The following ADGRB2 variants were observed in gnomAD, a reference collection of about 807,000 sequenced individuals.
ADGRB2 encodes adhesion G protein-coupled receptor B2.
ADGRB2 carries 47 observed loss-of-function variants against 178.7 expected under a neutral mutation model. The ratio of observed to expected loss-of-function variants is 0.26; its 90% CI spans 0.21 to 0.34. ADGRB2 has a LOEUF of 0.34. Ranked by LOEUF, ADGRB2 falls within the 10% of genes least tolerant of loss-of-function variation. The pLI, the probability that ADGRB2 is intolerant of heterozygous loss-of-function variation, is 1.00. For synonymous variants in ADGRB2, 870 were observed against 912.4 expected, an observed-to-expected ratio of 0.95 and a Z score of 0.84; for missense variants, 1,584 against 2,180.8, an observed-to-expected ratio of 0.73 and a Z score of 5.45.
At chr1:31,736,437 G>T in intron 21 of ADGRB2, 47 bp from the exon 22 acceptor site, 1 of 1,608,918 alleles carries the variant, frequency 6.2e-7, no homozygotes, top group Non-Finnish European at 8.5e-7. Context: ...GGTCTTCAGG[G>T]ACCCCTTGTT....
At position 31,739,430 on chromosome 1, in the gene ADGRB2, C is replaced by G. The variant is rs143030726; in HGVS notation, c.2373G>C (p.Thr791=). 3.2e-6 allele frequency: 5 copies of G among 1,581,356 alleles called. No homozygotes were observed. Among genetic ancestry groups the G allele is most frequent in the African/African-American group, 2.7e-5 (2 of 74,110 alleles). Residue 791 remains threonine (T), a synonymous_variant, in exon 15 of 33, where the codon ACG becomes ACC. Coordinates refer to ENST00000373658, the MANE Select transcript of ADGRB2 (RefSeq NM_001364857.2). ...GSPGRGRGPG[T]VPPGPGHSHQ... is the part of the protein sequence containing the mutation. ...GGGAGTGGCCTGGGCCAGGAGGCAC[C>G]GTTCCTGGGCCCCTCCCCCTGCCAG...
rs541714265 is a variant in ADGRB2, at chr1:31,728,468, C to T, written c.4416+130G>A. ...GGGAGGGAATCATGGGAAGATCCCA[C>T]GGAACCCCCGGGCTTGGGCTCCTGG... On this transcript the variant is annotated intron_variant, in intron 30 of 32. Transcript: ENST00000373658. This position sits in a 1 kb window ranked among gnomAD's most constrained non-coding sequence, Gnocchi z 6.7. The T allele has an allele frequency of 1.1e-5, 16 of 1,449,036 alleles. No individual in the cohort carries two copies. Among genetic ancestry groups the T allele is most frequent in the South Asian group, 3.5e-5 (3 of 86,768 alleles). 89.8% of individuals were successfully genotyped at this position (1,449,036 alleles called of 1,614,324 possible).
Position 31,759,222 on chromosome 1 carries a change from C to A in ADGRB2, c.-190-1711G>T, listed in dbSNP as rs1057300454. The A allele has an allele frequency of 1.1e-5, 8 of 759,968 alleles. No individual in the cohort carries two copies. Among genetic ancestry groups the A allele is most frequent in the Admixed American group, 1.0e-4 (6 of 58,236 alleles). 47.1% of individuals were successfully genotyped at this position (759,968 alleles called of 1,614,324 possible). A position where few individuals can be genotyped will look rare whatever the true frequency, so the allele number is the denominator to read the frequency against. ...GGTGAAACCCACAGATTCATGCTGT[C>A]ACACACACTCAGGAGTTAACACGCA... On this transcript the variant is annotated intron_variant, in intron 1 of 32. Transcript: ENST00000373658. This position sits in a 1 kb window ranked among gnomAD's most constrained non-coding sequence, Gnocchi z 4.3.
At position 31,755,876 on chromosome 1, in the gene ADGRB2, G is replaced by T. The variant is rs1646804478; in HGVS notation, c.838+123C>A. On this transcript the variant is annotated intron_variant, in intron 4 of 32. Coordinates refer to ENST00000373658, the MANE Select transcript of ADGRB2 (RefSeq NM_001364857.2). The surrounding 1 kb of genome is among the most constrained non-coding windows in gnomAD (Gnocchi z 5.1). ...TTGGTGACCGCAACATTTGGACAAG[G>T]CTCAGCAGAGGGGTGACATCAGTGA... The T allele has an allele frequency of 2.2e-6, 3 of 1,351,898 alleles. No homozygotes were observed. The highest frequency in any genetic ancestry group is 3.0e-6 in the Non-Finnish European group (3 of 993,162). The allele number at this position is 1,351,898 out of a possible 1,614,324, so 83.7% of individuals were successfully genotyped here.
Position 31,735,456 on chromosome 1 carries a change from C to T in ADGRB2, c.3353+124G>A. 7.4e-7 allele frequency: 1 copy of T among 1,357,230 alleles called. No homozygotes were observed. Among genetic ancestry groups the T allele is most frequent in the Non-Finnish European group, 1.0e-6 (1 of 970,694 alleles). 84.1% of individuals were successfully genotyped at this position (1,357,230 alleles called of 1,614,324 possible). On this transcript the variant is annotated intron_variant, in intron 24 of 32. Transcript: ENST00000373658. The surrounding 1 kb of genome is among the most constrained non-coding windows in gnomAD (Gnocchi z 6.0). ...TCCGGGTGCCCACCTTGCCTGCAAC[C>T]TTGATGCACCAAGGTTGGGGAGCCC... is the stretch of plus-strand genomic sequence containing the variant.
intron 4 of ADGRB2, among the ~76,000 whole-genome samples, chr1:31,747,902 G>C (rs886629732): frequency 3.9e-5 from 6 of 152,212 alleles, no homozygotes; most frequent in African/African-American, 1.4e-4. Flanking sequence ...ACTAAGACAG[G>C]CTCAAAGACA....
In ADGRB2 at chr1:31,757,481, G is replaced by A; in HGVS notation, c.-160C>T. The A allele has an allele frequency of 1.8e-6, 1 of 542,890 alleles. No homozygotes were observed. The allele number at this position is 542,890 out of a possible 1,614,324, so 33.6% of individuals were successfully genotyped here. A position where few individuals can be genotyped will look rare whatever the true frequency, so the allele number is the denominator to read the frequency against. The stretch of plus-strand genomic sequence containing the variant: ...GCCCACAGGAGGGCACTGTCAGTGT[G>A]GACGTCACATGTATCACTGCTGTGG... On this transcript the variant is annotated 5_prime_UTR_variant, in exon 2 of 33. Transcript: ENST00000373658.
intron 4 of ADGRB2, among the ~76,000 whole-genome samples, chr1:31,751,922 C>T (rs1570024829): frequency 6.6e-6 from 1 of 152,186 alleles, no homozygotes; most frequent in East Asian, 1.9e-4. Flanking sequence ...CTACCATGTG[C>T]CAGGCACTGG....
chr1:31,756,099 G>A lies in ADGRB2; in HGVS notation c.738C>T (p.Thr246=), dbSNP rs757610342. The change falls in exon 4 of 33, where the codon ACC becomes ACT. Residue 246 remains threonine, a synonymous_variant. Transcript: ENST00000373658. This position sits in a 1 kb window ranked among gnomAD's most constrained non-coding sequence, Gnocchi z 8.5. The stretch of plus-strand genomic sequence containing the variant: ...CCCCGGGCACCAGGGCATTGGACAG[G>A]GTGTGGGCAGCAGGAGGGCCTGGAG... The part of the protein sequence containing the change: ...TTSPGPPAAH[T]LSNALVPGGP... 1.3e-5 allele frequency: 21 copies of A among 1,613,996 alleles called. No individual in the cohort carries two copies. The highest frequency in any genetic ancestry group is 1.7e-5 in the Non-Finnish European group (20 of 1,179,992).
At chr1:31,737,908 G>A (rs1290285822) in intron 18 of ADGRB2, among the ~76,000 whole-genome samples, 153 bp from the exon 19 acceptor site, 3 of 152,040 alleles carry the variant, frequency 2.0e-5, no homozygotes, top group Non-Finnish European at 4.4e-5. Flanking sequence ...AACAGACCCG[G>A]GTATCTATGT....
chr1:31,757,181 A>G lies in ADGRB2; in HGVS notation c.21+20T>C. ...CTACAAGCATATTCGCCTTGCATTC[A>G]GATCCAGCCCCAGCCTCACCATCCA... is the stretch of plus-strand genomic sequence containing the variant. On this transcript the variant is annotated intron_variant, in intron 3 of 32. Transcript: ENST00000373658. 1 of 1,614,144 alleles carries G rather than the reference A, an allele frequency of 6.2e-7. No individual in the cohort carries two copies. Among genetic ancestry groups the G allele is most frequent in the Admixed American group, 1.7e-5 (1 of 60,022 alleles).
chr1:31,740,371 G>A lies in ADGRB2; in HGVS notation c.1965C>T (p.Tyr655=), dbSNP rs754176999. ...CCTGCACATCATCAGCCGAGGGCAC[G>A]TAGGTGGCCCTCTTAAAGGTGTCAG... ...NVTDTFKRAT[Y]VPSADDVQRF... The change falls in exon 12 of 33, where the codon TAC becomes TAT. Residue 655 remains tyrosine (Y), a synonymous_variant. Transcript: ENST00000373658. This position sits in a 1 kb window ranked among gnomAD's most constrained non-coding sequence, Gnocchi z 5.9. The A allele has an allele frequency of 6.0e-5, 97 of 1,613,130 alleles. No homozygotes were observed. The highest frequency in any genetic ancestry group is 7.9e-5 in the Non-Finnish European group (93 of 1,179,520).
intron 21 of ADGRB2, 40 bp from the exon 22 acceptor site, chr1:31,736,430 C>T: frequency 3.7e-6 from 6 of 1,610,594 alleles, no homozygotes; most frequent in Non-Finnish European, 4.2e-6. Context: ...GGTTGCTGGT[C>T]TTCAGGGACC....
rs888976092 is a variant in ADGRB2, at chr1:31,727,434, G to A, written c.4744C>T (p.Gln1582Ter). 6.3e-7 allele frequency: 1 copy of A among 1,587,288 alleles called. No individual in the cohort carries two copies. Among genetic ancestry groups the A allele is most frequent in the Non-Finnish European group, 8.5e-7 (1 of 1,172,470 alleles). ...CAGCGTGGCACTCACACCTCTGTCT[G>A]GAAGTCACCATCCGGTGGTTCTGTG... ...EPTEPPDGDF[Q>*]TEV The change falls in exon 33 of 33, where the codon CAG becomes TAG. Residue 1582 changes from glutamine (Q) to a stop codon, truncating the protein, a stop_gained. Coordinates refer to ENST00000373658, the MANE Select transcript of ADGRB2 (RefSeq NM_001364857.2). LOFTEE classifies it high-confidence loss of function. This position sits in a 1 kb window ranked among gnomAD's most constrained non-coding sequence, Gnocchi z 4.4.
At position 31,741,584 on chromosome 1, in the gene ADGRB2, GC is replaced by G; in HGVS notation, c.1687+39del. The stretch of plus-strand genomic sequence containing the variant: ...GGCGCAGAAGGGGGCAATGAGAATG[GC>G]AGGGGTGGTGGTGGTGGGGAAAGCC... On this transcript the variant is annotated intron_variant, in intron 10 of 32. Transcript: ENST00000373658. The surrounding 1 kb of genome is among the most constrained non-coding windows in gnomAD (Gnocchi z 6.5). The G allele has an allele frequency of 6.2e-7, 1 of 1,606,152 alleles. No homozygotes were observed. The highest frequency in any genetic ancestry group is 8.5e-7 in the Non-Finnish European group (1 of 1,174,862).
intron 4 of ADGRB2, among the ~76,000 whole-genome samples, chr1:31,747,302 T>C (rs1279082824): frequency 2.6e-5 from 4 of 152,050 alleles, no homozygotes; most frequent in Non-Finnish European, 4.4e-5. Flanking sequence ...CCAGGCTTAA[T>C]TAACCCCCTC....
rs113927112 is a variant in ADGRB2 at position 31,753,487 on chromosome 1, G to A, written c.838+2512C>T. ...AGCCCACCCTGCTAGGCCTCACTGT[G>A]GATCTTCCTCGGGGGTGTCCCAGAG... On this transcript the variant is annotated intron_variant, in intron 4 of 32. Coordinates refer to ENST00000373658, the MANE Select transcript of ADGRB2 (RefSeq NM_001364857.2). This position sits in a 1 kb window ranked among gnomAD's most constrained non-coding sequence, Gnocchi z 4.1. 4.5e-3 allele frequency among the ~76,000 whole-genome samples: 684 copies of A among 152,320 alleles called. 8 individuals are homozygous for A. The highest frequency in any genetic ancestry group is 0.036 in the East Asian group (185 of 5,182).
chr1:31,751,984 C>T (rs1646595851), intron 4 of ADGRB2, among the ~76,000 whole-genome samples: 1 of 152,198 alleles, frequency 6.6e-6, no homozygotes, highest in African/African-American at 2.4e-5. Context: ...TGTGGAATAG[C>T]TCTCACTACC....
At position 31,739,351 on chromosome 1, in the gene ADGRB2, C is replaced by T. The variant is rs1302666549; in HGVS notation, c.2452G>A (p.Ala818Thr). 1.3e-6 allele frequency: 2 copies of T among 1,495,810 alleles called. No homozygotes were observed. Among genetic ancestry groups the T allele is most frequent in the Non-Finnish European group, 1.8e-6 (2 of 1,120,182 alleles). The allele number at this position is 1,495,810 out of a possible 1,614,324, so 92.7% of individuals were successfully genotyped here. A position where few individuals can be genotyped will look rare whatever the true frequency, so the allele number is the denominator to read the frequency against. Residue 818 changes from alanine to threonine, a missense_variant, in exon 15 of 33, where the codon GCT becomes ACT. Transcript: ENST00000373658. ...PDESSYFVIGAVLYRTLGLIL... is the reference protein window; with the variant it reads ...PDESSYFVIGTVLYRTLGLIL... Reference sequence around the variant, plus strand: ...AGGCCAAGGGTGCGGTAGAGTACAGCACCGATCACAAAGTAGGAGGACTCA... The same window carrying T: ...AGGCCAAGGGTGCGGTAGAGTACAGTACCGATCACAAAGTAGGAGGACTCA...
Sources: allele counts gnomAD v4.1 joint callset (sites outside exome capture counted in the v4.1 genomes callset), GRCh38; gene constraint gnomAD v4.1.1; non-coding constraint Gnocchi (gnomAD v3.1); transcripts MANE v1.5; gene names NCBI Gene and HGNC (gene_info 2026-07-23, HGNC 2026-07-21).